The following PIP5K1B variants were observed in gnomAD, a reference collection of about 807,000 sequenced individuals.
PIP5K1B encodes phosphatidylinositol-4-phosphate 5-kinase type 1 beta.
PIP5K1B carries 42 observed loss-of-function variants against 67.0 expected under a neutral mutation model. That is an observed-to-expected ratio of 0.63 (90% confidence interval 0.49 to 0.81). The LOEUF is 0.81. PIP5K1B is among the 30% of genes least tolerant of loss of function. PIP5K1B has a pLI of 0.00. For synonymous variants in PIP5K1B, 214 were observed against 231.4 expected, an observed-to-expected ratio of 0.92 and a Z score of 0.68; for missense variants, 459 against 646.3, an observed-to-expected ratio of 0.71 and a Z score of 3.14.
At chr9:68,712,230 A>C (rs1827427460) in intron 1 of PIP5K1B, among the ~76,000 whole-genome samples, 1 of 152,062 alleles carries the variant, frequency 6.6e-6, no homozygotes, top group African/African-American at 2.4e-5. Flanking sequence ...CCTCTTTTAC[A>C]TGGACTCCCC....
At chr9:68,803,258 A>G (rs988416676) in intron 2 of PIP5K1B, among the ~76,000 whole-genome samples, 1 of 152,226 alleles carries the variant, frequency 6.6e-6, no homozygotes, top group Non-Finnish European at 1.5e-5. Context: ...GATACTATAG[A>G]AACCCTAAAA....
At chr9:68,941,141 T>C (rs780959239) in intron 14 of PIP5K1B, 1 of 465,660 alleles carries the variant, frequency 2.1e-6, no homozygotes, top group South Asian at 1.6e-5. Context: ...TGCAAAGATA[T>C]TGTAATATTC....
chr9:68,811,055 G>A (rs538376908), intron 2 of PIP5K1B, among the ~76,000 whole-genome samples: 19 of 152,088 alleles, frequency 1.2e-4, no homozygotes, highest in Non-Finnish European at 2.4e-4. Context: ...TCACAACCTC[G>A]CTCCTCTCCT....
chr9:68,921,701 A>G (rs1399634033), intron 11 of PIP5K1B, among the ~76,000 whole-genome samples: 1 of 152,096 alleles, frequency 6.6e-6, no homozygotes. Context: ...AAATACAAAA[A>G]TTAGCCAGAC....
chr9:68,893,491 G>T (rs1441021095), intron 7 of PIP5K1B, among the ~76,000 whole-genome samples: 5 of 151,810 alleles, frequency 3.3e-5, no homozygotes, highest in African/African-American at 1.2e-4. Flanking sequence ...GCGCCACCAG[G>T]CCAGGCTAAT....
rs1293130811 is a variant in PIP5K1B at position 68,991,216 on chromosome 9, G to C, written c.1579G>C (p.Glu527Gln). Residue 527 changes from glutamate to glutamine, a missense_variant, in exon 15 of 16, where the codon GAA (glutamate) becomes CAA (glutamine). Coordinates refer to ENST00000265382, the MANE Select transcript of PIP5K1B (RefSeq NM_003558.4). ...CTTGACCGCTGAGCCCAACACTCTG[G>C]AAGTGCAGGATGACAATGCTTCTGT... ...IYLTAEPNTL[E>Q]VQDDNASVLD... The C allele has an allele frequency of 1.2e-6, 2 of 1,611,122 alleles. No individual in the cohort carries two copies. Among genetic ancestry groups the C allele is most frequent in the Non-Finnish European group, 8.5e-7 (1 of 1,177,270 alleles).
At chr9:68,848,994 T>A (rs1822342703) in intron 4 of PIP5K1B, among the ~76,000 whole-genome samples, 1 of 152,226 alleles carries the variant, frequency 6.6e-6, no homozygotes, top group East Asian at 1.9e-4. Flanking sequence ...GAGGATAGAA[T>A]CATTCTTACA....
At chr9:68,919,432 T>G in intron 9 of PIP5K1B, 47 bp from the exon 10 acceptor site, 1 of 924,972 alleles carries the variant, frequency 1.1e-6, no homozygotes, top group Non-Finnish European at 1.7e-6. Flanking sequence ...TAACTTCCTA[T>G]TCTTATAATA....
intron 1 of PIP5K1B, among the ~76,000 whole-genome samples, chr9:68,713,710 T>C (rs1461409548): frequency 6.6e-6 from 1 of 152,178 alleles, no homozygotes; most frequent in Non-Finnish European, 1.5e-5. Context: ...TCTAGGACTT[T>C]AGATACAATA....
intron 2 of PIP5K1B, among the ~76,000 whole-genome samples, chr9:68,770,707 A>C (rs1351542150): frequency 6.6e-6 from 1 of 152,164 alleles, no homozygotes; most frequent in Non-Finnish European, 1.5e-5. Flanking sequence ...CTCACTCCAC[A>C]TGAGAAGCTA....
chr9:68,831,229 A>C (rs575902104), intron 4 of PIP5K1B, among the ~76,000 whole-genome samples: 1 of 152,240 alleles, frequency 6.6e-6, no homozygotes, highest in African/African-American at 2.4e-5. Flanking sequence ...TTTAACCAGA[A>C]GCCTACTAAT....
Position 68,917,748 on chromosome 9 carries a change from G to T in PIP5K1B, c.972G>T (p.Glu324Asp), listed in dbSNP as rs199866770. 6.2e-7 allele frequency: 1 copy of T among 1,613,490 alleles called. No individual in the cohort carries two copies. ...PGKSGDGIIT[E>D]NPDTMGGIPA... The stretch of plus-strand genomic sequence containing the variant: ...AATCTGGAGATGGGATAATCACAGA[G>T]AACCCAGACACGTAAGTGCAGCCAC... Residue 324 changes from glutamate to aspartate, a missense_variant, in exon 9 of 16, where the codon GAG becomes GAT. By Grantham distance (45) the Glu-to-Asp change is conservative. Transcript: ENST00000265382.
intron 9 of PIP5K1B, 82 bp from the exon 10 acceptor site, chr9:68,919,395 TCA>T (rs1826255604): frequency 4.6e-6 from 3 of 651,344 alleles, no homozygotes; most frequent in Non-Finnish European, 7.8e-6. Context: ...ATTTTTATTT[TCA>T]GTCTATTTAT....
In PIP5K1B at chr9:68,971,488, A is replaced by C. The variant is rs551937675; in HGVS notation, c.1503-19652A>C. Among the ~76,000 whole-genome samples the C allele has an allele frequency of 1.2e-4, 18 of 152,340 alleles. No individual in the cohort carries two copies. The South Asian group carries it at 2.3e-3, about 19-fold the overall frequency. On this transcript the variant is annotated intron_variant, in intron 14 of 15. Coordinates refer to ENST00000265382, the MANE Select transcript of PIP5K1B (RefSeq NM_003558.4). ...GTGTGTCTTTATAGTAGAATCGTTT[A>C]TAATCCTTATGGTATATACCCAGTA...
chr9:68,939,002 A>G (rs1827420309), intron 13 of PIP5K1B, among the ~76,000 whole-genome samples: 1 of 152,204 alleles, frequency 6.6e-6, no homozygotes, highest in Admixed American at 6.5e-5. Context: ...AACTCAGGGC[A>G]ACCTGAGTTA....
At chr9:68,935,189 G>A (rs780924731) in intron 13 of PIP5K1B, 144 bp downstream of exon 13, 53 of 672,874 alleles carry the variant, frequency 7.9e-5, no homozygotes, top group Middle Eastern at 8.7e-4. Flanking sequence ...TGCAGTGGCC[G>A]GGCGCAGTGG....
At chr9:68,867,397 G>C (rs1823413144) in intron 5 of PIP5K1B, among the ~76,000 whole-genome samples, 1 of 152,224 alleles carries the variant, frequency 6.6e-6, no homozygotes, top group African/African-American at 2.4e-5. Flanking sequence ...ACTTATGTTA[G>C]TCTTGCCTCA....
At chr9:68,856,614 C>T (rs1174897253) in intron 4 of PIP5K1B, among the ~76,000 whole-genome samples, 5 of 152,192 alleles carry the variant, frequency 3.3e-5, no homozygotes, top group African/African-American at 1.2e-4. Context: ...GTCTCTTTCC[C>T]CCACTAGACT....
intron 14 of PIP5K1B, among the ~76,000 whole-genome samples, chr9:68,973,340 G>A (rs1829484256): frequency 6.6e-6 from 1 of 152,184 alleles, no homozygotes; most frequent in South Asian, 2.1e-4. Context: ...TAAATATTTT[G>A]AGAGCATTTT....
Sources: gnomAD v4.1 joint callset for allele counts (sites outside exome capture counted in the v4.1 genomes callset) on GRCh38, gnomAD v4.1.1 for gene constraint, MANE v1.5 for transcripts, NCBI Gene and HGNC (gene_info 2026-07-23, HGNC 2026-07-21) for gene names.